The following ADAMTSL1 variants were observed in gnomAD, a reference collection of about 807,000 sequenced individuals.
The protein encoded by ADAMTSL1 is ADAMTS like 1, also known as ADAMTS-like protein 1.
ADAMTSL1 carries 126 observed loss-of-function variants against 201.8 expected under a neutral mutation model. The ratio of observed to expected loss-of-function variants is 0.62; its 90% CI spans 0.54 to 0.72. ADAMTSL1 has a LOEUF of 0.72. Among genes scored for constraint, ADAMTSL1 ranks in the 30% least tolerant of loss-of-function variants. The pLI is 0.00. For synonymous variants in ADAMTSL1, 1,121 were observed against 903.4 expected, an observed-to-expected ratio of 1.24 and a Z score of -4.32; for missense variants, 2,679 against 2,277.8, an observed-to-expected ratio of 1.18 and a Z score of -3.59.
At chr9:18,235,209 C>T (rs899819154) in intron 2 of ADAMTSL1, among the ~76,000 whole-genome samples, 2 of 152,138 alleles carry the variant, frequency 1.3e-5, no homozygotes, top group African/African-American at 4.8e-5. Flanking sequence ...TATTCATGAC[C>T]TTAACGATTT....
chr9:18,085,383 G>T (rs995907524), intron 1 of ADAMTSL1, among the ~76,000 whole-genome samples: 1 of 151,236 alleles, frequency 6.6e-6, no homozygotes. Context: ...ATGATGAAAT[G>T]GCATAATATA....
intron 1 of ADAMTSL1, among the ~76,000 whole-genome samples, chr9:18,098,941 C>G (rs970890639): frequency 6.6e-6 from 1 of 152,028 alleles, no homozygotes; most frequent in Admixed American, 6.6e-5. Flanking sequence ...GTTTCCCTCC[C>G]CTAAAGATTA....
chr9:18,193,821 T>C (rs1829068693), intron 2 of ADAMTSL1, among the ~76,000 whole-genome samples: 1 of 152,138 alleles, frequency 6.6e-6, no homozygotes, highest in African/African-American at 2.4e-5. Flanking sequence ...ACTGCCCTTT[T>C]CTTTATCCTC....
At chr9:18,388,605 C>T (rs1236562118) in intron 2 of ADAMTSL1, among the ~76,000 whole-genome samples, 1 of 151,066 alleles carries the variant, frequency 6.6e-6, no homozygotes, top group Admixed American at 6.6e-5. Flanking sequence ...TTTTCCTTTG[C>T]TGCCTTTTTT....
chr9:18,580,039 G>C (rs558033202), intron 4 of ADAMTSL1, among the ~76,000 whole-genome samples: 1 of 152,084 alleles, frequency 6.6e-6, no homozygotes, highest in Non-Finnish European at 1.5e-5. Flanking sequence ...GATGATACCT[G>C]ATATATGTCA....
chr9:18,719,016 C>A (rs530441769), intron 14 of ADAMTSL1, among the ~76,000 whole-genome samples: 17 of 152,318 alleles, frequency 1.1e-4, no homozygotes, highest in Admixed American at 2.6e-4. Flanking sequence ...CCAGTGACTT[C>A]TCATCACTAC....
At chr9:17,999,952 G>T (rs1245094846) in intron 1 of ADAMTSL1, among the ~76,000 whole-genome samples, 11 of 147,208 alleles carry the variant, frequency 7.5e-5, no homozygotes, top group East Asian at 5.9e-4. Flanking sequence ...TTTTATGGCT[G>T]CATAGTATTC....
Position 18,107,769 on chromosome 9 carries a change from A to AAAC in ADAMTSL1, c.88-56092_88-56090dup, listed in dbSNP as rs1824822012. 1.3e-5 allele frequency among the ~76,000 whole-genome samples: 2 copies of AAAC among 152,160 alleles called. 1 individual carries two copies. Among genetic ancestry groups the AAAC allele is most frequent in the South Asian group, 4.1e-4 (2 of 4,826 alleles). ...ATTAAATCATTGTGAATTTGATGTC[A>AAAC]AACTGCATGCCTGAAGACATTAACT... On this transcript the variant is annotated intron_variant, in intron 1 of 29. Coordinates refer to the ADAMTSL1 transcript ENST00000680146.
intron 1 of ADAMTSL1, among the ~76,000 whole-genome samples, chr9:18,129,798 G>A (rs775383417): frequency 1.3e-5 from 2 of 152,156 alleles, no homozygotes; most frequent in Non-Finnish European, 2.9e-5. Flanking sequence ...CAGAGCATAG[G>A]GTTGTATTTG....
chr9:18,586,496 A>G (rs1248078248), intron 4 of ADAMTSL1, among the ~76,000 whole-genome samples: 2 of 152,220 alleles, frequency 1.3e-5, no homozygotes, highest in Non-Finnish European at 2.9e-5. Flanking sequence ...AAGAATCAGT[A>G]TCATTGAAAT....
At chr9:18,161,880 C>G (rs1009460485) in intron 1 of ADAMTSL1, among the ~76,000 whole-genome samples, 2 of 151,996 alleles carry the variant, frequency 1.3e-5, no homozygotes, top group Non-Finnish European at 2.9e-5. Context: ...GCAAGTTATA[C>G]CTCTTCTTGT....
chr9:18,762,503 C>T (rs566716333), intron 16 of ADAMTSL1, among the ~76,000 whole-genome samples: 107 of 152,228 alleles, frequency 7.0e-4, no homozygotes, highest in Non-Finnish European at 1.2e-3. Flanking sequence ...GAGTTACAAA[C>T]AACCCAATTA....
intron 2 of ADAMTSL1, among the ~76,000 whole-genome samples, chr9:18,314,065 C>G (rs1157112011): frequency 6.6e-6 from 1 of 152,106 alleles, no homozygotes; most frequent in South Asian, 2.1e-4. Flanking sequence ...AAAACGCCAA[C>G]AGGTATGTGA....
intron 8 of ADAMTSL1, 82 bp downstream of exon 8, chr9:18,657,832 A>T: frequency 8.4e-7 from 1 of 1,187,942 alleles, no homozygotes. Context: ...TTACTTCAGC[A>T]TGGAAGAAAT....
At chr9:18,555,192 A>T (rs773137424) in intron 3 of ADAMTSL1, among the ~76,000 whole-genome samples, 1 of 151,736 alleles carries the variant, frequency 6.6e-6, no homozygotes, top group Admixed American at 6.6e-5. Context: ...TTCTTCCACA[A>T]CTTGCCGTTC....
intron 7 of ADAMTSL1, among the ~76,000 whole-genome samples, chr9:18,648,526 C>T (rs13285912): frequency 0.17 from 24,860 of 150,502 alleles, 2,195 homozygotes; most frequent in Middle Eastern, 0.23. Flanking sequence ...CGGCTGGTAC[C>T]GGTTGTTCCT....
intron 15 of ADAMTSL1, among the ~76,000 whole-genome samples, chr9:18,726,267 C>G (rs919082166): frequency 6.6e-6 from 1 of 152,116 alleles, no homozygotes; most frequent in Admixed American, 6.6e-5. Flanking sequence ...CTTTGGGAGG[C>G]CAAGGCAGAT....
At chr9:18,221,511 G>C (rs1830259105) in intron 2 of ADAMTSL1, among the ~76,000 whole-genome samples, 1 of 151,968 alleles carries the variant, frequency 6.6e-6, no homozygotes, top group South Asian at 2.1e-4. Context: ...TAAGTTGTGT[G>C]CTTTGTGGAT....
intron 2 of ADAMTSL1, among the ~76,000 whole-genome samples, chr9:18,403,312 T>A (rs1476724148): frequency 2.0e-5 from 3 of 152,056 alleles, no homozygotes; most frequent in African/African-American, 4.8e-5. Context: ...GCCTCCAGAG[T>A]AGCTGGGATC....
Sources: gnomAD v4.1 joint callset for allele counts (sites outside exome capture counted in the v4.1 genomes callset) on GRCh38, gnomAD v4.1.1 for gene constraint, MANE v1.5 for transcripts, NCBI Gene and HGNC (gene_info 2026-07-23, HGNC 2026-07-21) for gene names.